The following PDE4B variants were observed in gnomAD, a reference collection of about 807,000 sequenced individuals.
PDE4B encodes the protein 3',5'-cyclic-AMP phosphodiesterase 4B.
PDE4B carries 20 observed loss-of-function variants against 82.2 expected under a neutral mutation model. The observed-to-expected ratio is 0.24, with a 90% CI of 0.17 to 0.35. The LOEUF (loss-of-function observed/expected upper bound fraction) is 0.35. Among genes scored for constraint, PDE4B ranks in the 10% least tolerant of loss-of-function variants. The pLI, the probability that PDE4B is intolerant of heterozygous loss-of-function variation, is 1.00. For synonymous variants in PDE4B, 320 were observed against 318.9 expected, an observed-to-expected ratio of 1.00 and a Z score of -0.04; for missense variants, 655 against 907.2, an observed-to-expected ratio of 0.72 and a Z score of 3.57.
chr1:65,987,389 G>A (rs1053482124), intron 3 of PDE4B, among the ~76,000 whole-genome samples: 1 of 152,124 alleles, frequency 6.6e-6, no homozygotes, highest in African/African-American at 2.4e-5. Flanking sequence ...GATAACTTCA[G>A]ACTCAAGGAT....
chr1:66,366,972 G>A lies in PDE4B; in HGVS notation c.1385-724G>A, dbSNP rs945122288. 2.0e-5 allele frequency among the ~76,000 whole-genome samples: 3 copies of A among 152,278 alleles called. No homozygotes were observed. The South Asian group carries it at 6.2e-4, about 32-fold the overall frequency. Reference sequence around the variant, plus strand: ...GTATTCTTGATTAAGAGAAAATGTGGTTTCATAAGTCTGATGACCATATTC... The same window carrying A: ...GTATTCTTGATTAAGAGAAAATGTGATTTCATAAGTCTGATGACCATATTC... On this transcript the variant is annotated intron_variant, in intron 13 of 16. Transcript: ENST00000341517.
chr1:66,162,278 C>T (rs1473525188), intron 3 of PDE4B, among the ~76,000 whole-genome samples: 3 of 123,408 alleles, frequency 2.4e-5, no homozygotes, highest in Non-Finnish European at 3.3e-5. Flanking sequence ...TTCATAGGCC[C>T]TTTGGTGGTA....
intron 3 of PDE4B, among the ~76,000 whole-genome samples, chr1:66,093,124 G>A (rs559518626): frequency 2.4e-4 from 37 of 152,026 alleles, no homozygotes; most frequent in African/African-American, 6.7e-4. Flanking sequence ...TAGGGCATTC[G>A]GACAGACTGT....
At chr1:65,918,858 G>A in intron 3 of PDE4B, 23 bp downstream of exon 3, 1 of 1,372,008 alleles carries the variant, frequency 7.3e-7, no homozygotes, top group Non-Finnish European at 1.0e-6. Context: ...AAAATCAAAT[G>A]TCAATTCTAA....
At chr1:66,103,008 C>T (rs562838535) in intron 3 of PDE4B, among the ~76,000 whole-genome samples, 1 of 152,008 alleles carries the variant, frequency 6.6e-6, no homozygotes, top group East Asian at 1.9e-4. Flanking sequence ...TTTATGAAAA[C>T]AGTATTTTTT....
intron 2 of PDE4B, among the ~76,000 whole-genome samples, chr1:65,913,705 T>C (rs962042856): frequency 2.0e-5 from 3 of 152,216 alleles, no homozygotes; most frequent in African/African-American, 4.8e-5. Flanking sequence ...TTTACCCATG[T>C]ACAGCTAACC....
At chr1:66,015,276 G>C (rs1652704361) in intron 3 of PDE4B, among the ~76,000 whole-genome samples, 1 of 152,132 alleles carries the variant, frequency 6.6e-6, no homozygotes, top group African/African-American at 2.4e-5. Context: ...GAAATGCCTA[G>C]AGATTGTTTT....
chr1:66,072,317 G>C (rs1656194641), intron 3 of PDE4B, among the ~76,000 whole-genome samples: 1 of 152,050 alleles, frequency 6.6e-6, no homozygotes, highest in Non-Finnish European at 1.5e-5. Flanking sequence ...AAGTGTAAAA[G>C]ACAGCTGATT....
At chr1:66,140,886 C>T (rs1347467313) in intron 3 of PDE4B, among the ~76,000 whole-genome samples, 5 of 152,150 alleles carry the variant, frequency 3.3e-5, no homozygotes, top group Non-Finnish European at 7.3e-5. Context: ...CAATTGGTTT[C>T]CCTACTTCTG....
At chr1:65,826,383 G>A (rs1433670091) in intron 1 of PDE4B, among the ~76,000 whole-genome samples, 1 of 152,064 alleles carries the variant, frequency 6.6e-6, no homozygotes, top group Non-Finnish European at 1.5e-5. Flanking sequence ...GGCTGAGTGT[G>A]GCCTAGCATG....
At chr1:66,162,293 T>A (rs1646631021) in intron 3 of PDE4B, among the ~76,000 whole-genome samples, 1 of 144,954 alleles carries the variant, frequency 6.9e-6, no homozygotes, top group South Asian at 2.2e-4. Context: ...GTGGTAAGGT[T>A]CATGGACTTC....
intron 3 of PDE4B, among the ~76,000 whole-genome samples, chr1:66,239,674 A>T (rs952651735): frequency 2.0e-5 from 3 of 152,246 alleles, no homozygotes; most frequent in African/African-American, 7.2e-5. Flanking sequence ...TGCATTAAAT[A>T]GTATGACATA....
chr1:66,156,940 C>A (rs1646513040), intron 3 of PDE4B, among the ~76,000 whole-genome samples: 1 of 152,152 alleles, frequency 6.6e-6, no homozygotes, highest in Non-Finnish European at 1.5e-5. Flanking sequence ...TCAACCAGAC[C>A]CTAGTTTTCA....
chr1:65,871,215 A>T (rs1000924422), intron 1 of PDE4B, among the ~76,000 whole-genome samples: 3 of 152,178 alleles, frequency 2.0e-5, no homozygotes, highest in African/African-American at 7.2e-5. Context: ...GTATGCTTTA[A>T]ATCTCTTCAT....
At chr1:66,008,125 G>A (rs1652256261) in intron 3 of PDE4B, among the ~76,000 whole-genome samples, 1 of 152,060 alleles carries the variant, frequency 6.6e-6, no homozygotes, top group African/African-American at 2.4e-5. Flanking sequence ...TACACATAAT[G>A]GACTCATGGG....
At chr1:65,892,932 T>A (rs930917915) in intron 1 of PDE4B, among the ~76,000 whole-genome samples, 3 of 152,026 alleles carry the variant, frequency 2.0e-5, no homozygotes, top group African/African-American at 7.2e-5. Flanking sequence ...TTTCATAAAT[T>A]AAAAAAGTAC....
At chr1:65,853,405 A>G (rs1189655192) in intron 1 of PDE4B, among the ~76,000 whole-genome samples, 2 of 151,946 alleles carry the variant, frequency 1.3e-5, no homozygotes, top group African/African-American at 4.8e-5. Context: ...GTTTTAATCT[A>G]CCATATTTCT....
At chr1:66,143,092 C>G (rs767743844) in intron 3 of PDE4B, among the ~76,000 whole-genome samples, 2 of 152,174 alleles carry the variant, frequency 1.3e-5, no homozygotes, top group Non-Finnish European at 2.9e-5. Flanking sequence ...CCAGAAAATG[C>G]TGGAAGAATC....
chr1:66,184,171 TGAA>T (rs1302633744), intron 3 of PDE4B, among the ~76,000 whole-genome samples: 1 of 152,080 alleles, frequency 6.6e-6, no homozygotes, highest in East Asian at 1.9e-4. Context: ...ATTTAAATGC[TGAA>T]GCTAGGGAGT....
Sources: allele counts gnomAD v4.1 joint callset (sites outside exome capture counted in the v4.1 genomes callset), GRCh38; gene constraint gnomAD v4.1.1; transcripts MANE v1.5; gene names NCBI Gene and HGNC (gene_info 2026-07-23, HGNC 2026-07-21).